The following PLCD3 variants were observed in gnomAD, a reference collection of about 807,000 sequenced individuals.
The protein encoded by PLCD3 is phospholipase C delta 3.
Under a neutral mutation model 82.8 loss-of-function variants are expected in PLCD3, and 62 were observed. That is an observed-to-expected ratio of 0.75 (90% CI 0.61 to 0.93). The LOEUF (loss-of-function observed/expected upper bound fraction) is 0.93, where lower values mean the gene tolerates loss of function less well. Ranked by LOEUF, PLCD3 falls within the 40% of genes least tolerant of loss-of-function variation. The pLI is 0.00. For missense variants in PLCD3, 1,023 were observed against 1,103.4 expected (o/e 0.93, Z 1.03); for synonymous variants, 478 against 471.8 (o/e 1.01, Z -0.17).
rs544904956 is a variant in PLCD3 at position 45,113,847 on chromosome 17, G to A, written c.1829-242C>T. ...GGTACTAAAAAAGCCCCCACCCTCA[G>A]GGCCAGGCTTGGGTCAGAGCCAGGG... is the stretch of plus-strand genomic sequence containing the variant. On this transcript the variant is annotated intron_variant, in intron 11 of 14. Coordinates refer to ENST00000619929, the MANE Select transcript of PLCD3 (RefSeq NM_133373.5). Among the ~76,000 whole-genome samples, 218 of 152,116 alleles carry A rather than the reference G, an allele frequency of 1.4e-3. 1 individual carries two copies. The highest frequency in any genetic ancestry group is 1.9e-3 in the South Asian group (9 of 4,816).
chr17:45,121,603 C>T (rs972392300), intron 1 of PLCD3, among the ~76,000 whole-genome samples: 1 of 152,212 alleles, frequency 6.6e-6, no homozygotes, highest in Non-Finnish European at 1.5e-5. Flanking sequence ...CAACCCGTAC[C>T]CCATCTCCCT....
chr17:45,112,741 C>T (rs546465842), intron 14 of PLCD3, 37 bp from the exon 15 acceptor site: 36 of 1,592,410 alleles, frequency 2.3e-5, no homozygotes, highest in South Asian at 1.9e-4. Flanking sequence ...GTCCTCTGTG[C>T]ACCCTGGGGG....
rs940616939 is a variant in PLCD3, at chr17:45,121,383, G to A, written c.164-11C>T. 2.3e-5 allele frequency: 34 copies of A among 1,493,880 alleles called. No individual in the cohort carries two copies. In the Middle Eastern group the frequency reaches 9.2e-4, roughly 40 times the overall value. The allele number at this position is 1,493,880 out of a possible 1,614,324, so 92.5% of individuals were successfully genotyped here. A position where few individuals can be genotyped will look rare whatever the true frequency, so the allele number is the denominator to read the frequency against. On this transcript the variant is annotated splice_polypyrimidine_tract_variant and intron_variant, in intron 1 of 14. Coordinates refer to ENST00000619929, the MANE Select transcript of PLCD3 (RefSeq NM_133373.5). ...CGTCCTCCGTCAGGCCTGGCGGGGC[G>A]GGAGGACCCGGGGCGTCAGGCCGTA... is the stretch of plus-strand genomic sequence containing the variant.
chr17:45,112,614 C>A lies in PLCD3; in HGVS notation c.*2G>T. On this transcript the variant is annotated 3_prime_UTR_variant, in exon 15 of 15. Coordinates refer to ENST00000619929, the MANE Select transcript of PLCD3 (RefSeq NM_133373.5). ...GAACCCCAAGGCGAGTGAGGTGGGC[C>A]CTCAGGAGCGCTGGATGCGGATTTG... 6.3e-7 allele frequency: 1 copy of A among 1,596,034 alleles called. No individual in the cohort carries two copies. Among genetic ancestry groups the A allele is most frequent in the East Asian group, 2.3e-5 (1 of 44,100 alleles).
In PLCD3 at chr17:45,109,449, T is replaced by G. The variant is rs1276264142; in HGVS notation, c.*3167A>C. The G allele has an allele frequency of 1.3e-5, 2 of 152,372 alleles. No individual in the cohort carries two copies. The highest frequency in any genetic ancestry group is 4.8e-5 in the African/African-American group (2 of 41,458). The allele number at this position is 152,372 out of a possible 1,614,324, so 9.4% of individuals were successfully genotyped here. A position where few individuals can be genotyped will look rare whatever the true frequency, so the allele number is the denominator to read the frequency against. ...CCTGCACCACTGGCCGGGTGGTTCT[T>G]TGAGTCACTAGGGGTGCATTTTAAC... is the stretch of plus-strand genomic sequence containing the variant. On this transcript the variant is annotated 3_prime_UTR_variant, in exon 15 of 15. Coordinates refer to ENST00000619929, the MANE Select transcript of PLCD3 (RefSeq NM_133373.5).
chr17:45,122,865 T>C (rs1032050250), intron 1 of PLCD3, among the ~76,000 whole-genome samples: 13 of 152,048 alleles, frequency 8.5e-5, no homozygotes, highest in African/African-American at 3.1e-4. Flanking sequence ...AGGTGGGAAC[T>C]GGGTAAACGG....
chr17:45,128,320 G>A (rs1013396358), intron 1 of PLCD3, among the ~76,000 whole-genome samples: 5 of 152,238 alleles, frequency 3.3e-5, no homozygotes, highest in Admixed American at 1.3e-4. Context: ...CTGGTTGGGT[G>A]CGGAAGTCAG....
At position 45,132,345 on chromosome 17, in the gene PLCD3, G is replaced by T. The variant is rs2054473798; in HGVS notation, c.66C>A (p.Val22=). 1.4e-5 allele frequency: 17 copies of T among 1,232,468 alleles called. No individual in the cohort carries two copies. Among genetic ancestry groups the T allele is most frequent in the Non-Finnish European group, 1.7e-5 (17 of 987,814 alleles). The allele number at this position is 1,232,468 out of a possible 1,614,324, so 76.3% of individuals were successfully genotyped here. ...PPEEPPVAAQ[V]AAQVAAPVAL... is the part of the protein sequence containing the mutation. ...CGACCGGCGCCGCGACTTGGGCTGCGACCTGGGCGGCCACCGGGGGCTCCT... is the reference window on the plus strand; with the variant it reads ...CGACCGGCGCCGCGACTTGGGCTGCTACCTGGGCGGCCACCGGGGGCTCCT... Residue 22 remains valine, a synonymous_variant, in exon 1 of 15, where the codon GTC becomes GTA. Transcript: ENST00000619929. The surrounding 1 kb of genome is among the most constrained non-coding windows in gnomAD (Gnocchi z 4.6).
In PLCD3 at chr17:45,119,022, C is replaced by A; in HGVS notation, c.706G>T (p.Asp236Tyr). The change falls in exon 5 of 15, where the codon GAC becomes TAC. Residue 236 changes from aspartate to tyrosine, a missense_variant. Physicochemically the swap from Asp to Tyr is radical, Grantham distance 160. Coordinates refer to ENST00000619929, the MANE Select transcript of PLCD3 (RefSeq NM_133373.5). ...LFKECDHSNN[D>Y]RLEGAEIEEF... Reference sequence around the variant, plus strand: ...TCGATCTCAGCCCCCTCTAGACGGTCGTTGTTGGAGTGGTCACACTCCTGG... The same window carrying A: ...TCGATCTCAGCCCCCTCTAGACGGTAGTTGTTGGAGTGGTCACACTCCTGG... 6.2e-7 allele frequency: 1 copy of A among 1,610,302 alleles called. No individual in the cohort carries two copies. Among genetic ancestry groups the A allele is most frequent in the South Asian group, 1.1e-5 (1 of 90,550 alleles).
At chr17:45,126,188 T>C (rs2054380063) in intron 1 of PLCD3, among the ~76,000 whole-genome samples, 1 of 151,100 alleles carries the variant, frequency 6.6e-6, no homozygotes, top group African/African-American at 2.4e-5. Context: ...GGACTGCAGG[T>C]GCCCGCCACC....
At chr17:45,114,550 G>A in intron 10 of PLCD3, 184 bp from the exon 11 acceptor site, 1 of 531,480 alleles carries the variant, frequency 1.9e-6, no homozygotes. Flanking sequence ...ACCCCCTCCA[G>A]CCACACAGCC....
Position 45,120,388 on chromosome 17 carries a change from G to A in PLCD3, c.621C>T (p.Ile207=), listed in dbSNP as rs751021968. 1.9e-6 allele frequency: 3 copies of A among 1,614,016 alleles called. No homozygotes were observed. Among genetic ancestry groups the A allele is most frequent in the South Asian group, 2.2e-5 (2 of 91,090 alleles). Residue 207 remains isoleucine (I), a synonymous_variant, in exon 4 of 15, where the codon ATC becomes ATT. Transcript: ENST00000619929. ...CGTTGACCATTCTCAGCAGGCTCTT[G>A]ATCTCCTTGAAGCTCATCTTGCTGT... ...NQDSKMSFKE[I]KSLLRMVNVD...
In PLCD3 at chr17:45,118,825, G is replaced by T. The variant is rs2054313169; in HGVS notation, c.903C>A (p.Leu301=). Residue 301 remains leucine (L), a synonymous_variant, in exon 5 of 15, where the codon CTC becomes CTA. Coordinates refer to ENST00000619929, the MANE Select transcript of PLCD3 (RefSeq NM_133373.5). This position sits in a 1 kb window ranked among gnomAD's most constrained non-coding sequence, Gnocchi z 4.1. ...TGCCACCCCCCCCACCTGTCTCGTT[G>T]AGCTCATAGGTCTGAATGAGCTGCT... ...RAQQLIQTYE[L]NETAKQHELM... 5 of 1,603,540 alleles carry T rather than the reference G, an allele frequency of 3.1e-6. No homozygotes were observed. Among genetic ancestry groups the T allele is most frequent in the Non-Finnish European group, 4.3e-6 (5 of 1,173,764 alleles).
rs751616482 is a variant in PLCD3, at chr17:45,115,503, A to G, written c.1414-13T>C. 2 of 1,601,824 alleles carry G rather than the reference A, an allele frequency of 1.2e-6. No individual in the cohort carries two copies. The highest frequency in any genetic ancestry group is 1.1e-5 in the South Asian group (1 of 89,198). On this transcript the variant is annotated splice_polypyrimidine_tract_variant and intron_variant, in intron 8 of 14. Transcript: ENST00000619929. ...GGCCCTTCAGCTGCTGTGGGGGCCAACGTGGAGGATGAAGGGTTAGGCCTT... is the reference window on the plus strand; with the variant it reads ...GGCCCTTCAGCTGCTGTGGGGGCCAGCGTGGAGGATGAAGGGTTAGGCCTT...
intron 1 of PLCD3, among the ~76,000 whole-genome samples, chr17:45,130,702 G>A (rs768723694): frequency 1.3e-5 from 2 of 151,458 alleles, no homozygotes; most frequent in African/African-American, 2.4e-5. Flanking sequence ...TCCCTGTTTC[G>A]CCCCTGCCTT....
intron 7 of PLCD3, 124 bp downstream of exon 7, chr17:45,117,870 G>T: frequency 7.6e-7 from 1 of 1,308,882 alleles, no homozygotes; most frequent in Non-Finnish European, 1.0e-6. Flanking sequence ...AGCAGCACTT[G>T]GTGAATGAAT....
Position 45,120,402 on chromosome 17 carries a change from T to C in PLCD3, c.607A>G (p.Ser203Gly). ...RADSNQDSKM[S>G]FKEIKSLLRM... ...AGCAGGCTCTTGATCTCCTTGAAGC[T>C]CATCTTGCTGTCCTGGTTGGAGTCA... is the stretch of plus-strand genomic sequence containing the variant. Residue 203 changes from serine to glycine, a missense_variant, in exon 4 of 15, where the codon AGC becomes GGC. Transcript: ENST00000619929. 1 of 1,614,002 alleles carries C rather than the reference T, an allele frequency of 6.2e-7. No homozygotes were observed. Among genetic ancestry groups the C allele is most frequent in the Non-Finnish European group, 8.5e-7 (1 of 1,179,872 alleles).
chr17:45,120,934 C>T lies in PLCD3; in HGVS notation c.522G>A (p.Leu174=). The T allele has an allele frequency of 3.4e-6, 5 of 1,468,590 alleles. No individual in the cohort carries two copies. The highest frequency in any genetic ancestry group is 4.5e-6 in the Non-Finnish European group (5 of 1,117,636). 91.0% of individuals were successfully genotyped at this position (1,468,590 alleles called of 1,614,324 possible). ...VRGLTKLRAR[L]DAMSQRERLD... Reference sequence around the variant, plus strand: ...GCCGCTCGCGCTGGCTCATGGCGTCCAGGCGCGCGCGGAGCTTGGTCAGAC... The same window carrying T: ...GCCGCTCGCGCTGGCTCATGGCGTCTAGGCGCGCGCGGAGCTTGGTCAGAC... The change falls in exon 3 of 15, where the codon CTG becomes CTA. Residue 174 remains leucine (L), a synonymous_variant. Transcript: ENST00000619929.
At position 45,115,748 on chromosome 17, in the gene PLCD3, C is replaced by T. The variant is rs1395714462; in HGVS notation, c.1414-258G>A. Among the ~76,000 whole-genome samples, 8 of 152,136 alleles carry T rather than the reference C, an allele frequency of 5.3e-5. No homozygotes were observed. The East Asian group carries it at 1.5e-3, about 29-fold the overall frequency. On this transcript the variant is annotated intron_variant, in intron 8 of 14. Transcript: ENST00000619929. ...CTACAATGCACGCGACAGCTCAGGACTGAAAGGAAAGGGACCCTCTTCAAA... is the reference window on the plus strand; with the variant it reads ...CTACAATGCACGCGACAGCTCAGGATTGAAAGGAAAGGGACCCTCTTCAAA...
Sources: allele counts gnomAD v4.1 joint callset (sites outside exome capture counted in the v4.1 genomes callset), GRCh38; gene constraint gnomAD v4.1.1; non-coding constraint Gnocchi (gnomAD v3.1); transcripts MANE v1.5; gene names NCBI Gene and HGNC (gene_info 2026-07-23, HGNC 2026-07-21).